PCLO: variants seen among roughly 807,000 people sequenced by gnomAD.
PCLO encodes the protein piccolo presynaptic cytomatrix protein.
In PCLO, 82 loss-of-function variants were observed where a neutral mutation model predicts 427.5. That is an observed-to-expected ratio of 0.19 (90% CI 0.16 to 0.23). The LOEUF is 0.23. Among genes scored for constraint, PCLO ranks in the 10% least tolerant of loss-of-function variants. The probability of loss-of-function intolerance (pLI) is 1.00; values close to 1 mark genes in which losing one functional copy is unlikely to be tolerated. For synonymous variants in PCLO, 2,357 were observed against 2,155.4 expected, an observed-to-expected ratio of 1.09 and a Z score of -2.59; for missense variants, 6,239 against 6,115.9, an observed-to-expected ratio of 1.02 and a Z score of -0.67.
chr7:83,076,382 C>T (rs930332476), intron 3 of PCLO, among the ~76,000 whole-genome samples: 1 of 151,864 alleles, frequency 6.6e-6, no homozygotes, highest in Non-Finnish European at 1.5e-5. Flanking sequence ...CCTGCCTCAG[C>T]CTCCCAAGTA....
intron 3 of PCLO, among the ~76,000 whole-genome samples, chr7:82,977,457 A>C (rs1356697864): frequency 6.7e-6 from 1 of 150,096 alleles, no homozygotes; most frequent in East Asian, 2.0e-4. Flanking sequence ...CTTATTGCCC[A>C]GGCTGGGGTG....
At chr7:83,096,978 A>AATATATTAATATTATATATATT (rs1790584666) in intron 3 of PCLO, among the ~76,000 whole-genome samples, 1 of 43,596 alleles carries the variant, frequency 2.3e-5, no homozygotes, top group Non-Finnish European at 3.3e-5. Flanking sequence ...TATATTATAT[A>AATATATTAATATTATATATATT]TTATATAAAT....
chr7:82,893,422 G>A (rs559512791), intron 9 of PCLO, among the ~76,000 whole-genome samples: 1 of 152,110 alleles, frequency 6.6e-6, no homozygotes, highest in East Asian at 1.9e-4. Flanking sequence ...GGGCCCTGTT[G>A]TGGGGTCAGG....
At chr7:83,047,979 G>A (rs1472137943) in intron 3 of PCLO, among the ~76,000 whole-genome samples, 1 of 151,928 alleles carries the variant, frequency 6.6e-6, no homozygotes, top group Non-Finnish European at 1.5e-5. Context: ...TTTTATGTGA[G>A]GACCAGATAG....
At chr7:83,088,470 AC>A (rs944298841) in intron 3 of PCLO, among the ~76,000 whole-genome samples, 1 of 152,214 alleles carries the variant, frequency 6.6e-6, no homozygotes, top group Non-Finnish European at 1.5e-5. Context: ...TTCACTTTTA[AC>A]CCTGTATCTC....
At chr7:82,799,194 A>G (rs1791290215) in intron 22 of PCLO, among the ~76,000 whole-genome samples, 1 of 152,238 alleles carries the variant, frequency 6.6e-6, no homozygotes, top group Non-Finnish European at 1.5e-5. Flanking sequence ...CTATATATCT[A>G]AATTCTAGAC....
chr7:83,020,633 A>G (rs1397354973), intron 3 of PCLO, among the ~76,000 whole-genome samples: 1 of 152,136 alleles, frequency 6.6e-6, no homozygotes, highest in Non-Finnish European at 1.5e-5. Flanking sequence ...TGGACTTTCA[A>G]TACTCCTGAC....
chr7:83,092,197 C>A (rs934199740), intron 3 of PCLO, among the ~76,000 whole-genome samples: 4 of 152,136 alleles, frequency 2.6e-5, no homozygotes, highest in African/African-American at 9.7e-5. Context: ...TTGTAAGTCA[C>A]CCTGCAGAAC....
chr7:82,971,180 C>A (rs1795894165), intron 3 of PCLO, among the ~76,000 whole-genome samples: 1 of 151,770 alleles, frequency 6.6e-6, no homozygotes, highest in Admixed American at 6.6e-5. Flanking sequence ...ATCAATTAAA[C>A]AAAATTATTT....
At chr7:82,896,046 T>C (rs978720002) in intron 9 of PCLO, among the ~76,000 whole-genome samples, 1 of 151,788 alleles carries the variant, frequency 6.6e-6, no homozygotes, top group Non-Finnish European at 1.5e-5. Context: ...AAACAATTAC[T>C]TAACAAAGCA....
At chr7:82,775,443 AGGGGT>A (rs1790729826) in intron 22 of PCLO, among the ~76,000 whole-genome samples, 1 of 152,166 alleles carries the variant, frequency 6.6e-6, no homozygotes, top group African/African-American at 2.4e-5. Flanking sequence ...ATGGGTGTGT[AGGGGT>A]ATATCACTGT....
intron 3 of PCLO, among the ~76,000 whole-genome samples, chr7:83,075,400 T>G (rs1789926032): frequency 6.6e-6 from 1 of 152,160 alleles, no homozygotes; most frequent in Admixed American, 6.5e-5. Context: ...GTCACTTAGA[T>G]GAGTTGGTCT....
chr7:83,057,492 G>T (rs1178149029), intron 3 of PCLO, among the ~76,000 whole-genome samples: 1 of 147,240 alleles, frequency 6.8e-6, no homozygotes, highest in African/African-American at 2.5e-5. Flanking sequence ...CTCCCAAGTA[G>T]CTGGGACTGC....
chr7:82,971,006 T>C (rs1795890140), intron 3 of PCLO, among the ~76,000 whole-genome samples: 1 of 151,872 alleles, frequency 6.6e-6, no homozygotes, highest in Non-Finnish European at 1.5e-5. Flanking sequence ...TTTTTTTTCA[T>C]TCTTTAACAA....
chr7:82,761,181 A>G (rs1437368622), intron 23 of PCLO, among the ~76,000 whole-genome samples, 178 bp downstream of exon 23: 1 of 151,886 alleles, frequency 6.6e-6, no homozygotes, highest in Non-Finnish European at 1.5e-5. Flanking sequence ...ACTATAATGT[A>G]TATGTTAAAA....
intron 3 of PCLO, among the ~76,000 whole-genome samples, chr7:83,056,774 G>A (rs1444233529): frequency 6.6e-6 from 1 of 152,060 alleles, no homozygotes; most frequent in African/African-American, 2.4e-5. Context: ...TAGATGTTAA[G>A]GTGAGCAAAA....
At chr7:82,880,981 A>G (rs1376709484) in intron 9 of PCLO, among the ~76,000 whole-genome samples, 4 of 152,182 alleles carry the variant, frequency 2.6e-5, no homozygotes, top group Middle Eastern at 3.2e-3. Flanking sequence ...TTCTATTTGA[A>G]TATCTTTAAA....
At chr7:82,968,306 C>T (rs1432441041) in intron 3 of PCLO, among the ~76,000 whole-genome samples, 1 of 152,068 alleles carries the variant, frequency 6.6e-6, no homozygotes, top group Non-Finnish European at 1.5e-5. Flanking sequence ...AATTGTGTGC[C>T]TTCTTTAATT....
At chr7:82,846,885 T>G (rs1274994951) in intron 11 of PCLO, among the ~76,000 whole-genome samples, 2 of 152,132 alleles carry the variant, frequency 1.3e-5, no homozygotes, top group Non-Finnish European at 2.9e-5. Flanking sequence ...TAAATACATA[T>G]CCATGAAATC....
Sources: allele counts gnomAD v4.1 joint callset (sites outside exome capture counted in the v4.1 genomes callset), GRCh38; gene constraint gnomAD v4.1.1; transcripts MANE v1.5; gene names NCBI Gene and HGNC (gene_info 2026-07-23, HGNC 2026-07-21).